Variants in ITPR2 observed in about 807,000 individuals in gnomAD.
The protein encoded by ITPR2 is inositol 1,4,5-trisphosphate-gated calcium channel ITPR2.
ITPR2 carries 207 observed loss-of-function variants against 317.1 expected under a neutral mutation model. The observed-to-expected ratio is 0.65, with a 90% CI of 0.58 to 0.73. The LOEUF (loss-of-function observed/expected upper bound fraction) is 0.73. Among genes scored for constraint, ITPR2 ranks in the 30% least tolerant of loss-of-function variants. The pLI, the probability that ITPR2 is intolerant of heterozygous loss-of-function variation, is 0.00. For synonymous variants in ITPR2, 1,156 were observed against 1,149.1 expected, an observed-to-expected ratio of 1.01 and a Z score of -0.12; for missense variants, 2,613 against 3,284.0, an observed-to-expected ratio of 0.80 and a Z score of 4.99.
chr12:26,716,959 T>C (rs1249383435), intron 5 of ITPR2, among the ~76,000 whole-genome samples: 1 of 152,214 alleles, frequency 6.6e-6, no homozygotes, highest in Non-Finnish European at 1.5e-5. Flanking sequence ...ATTGTAGCAA[T>C]ATCCACCTTC....
In ITPR2 at chr12:26,565,568, T is replaced by C. The variant is rs1211355298; in HGVS notation, c.4631-3616A>G. Among the ~76,000 whole-genome samples, 5 of 152,018 alleles carry C rather than the reference T, an allele frequency of 3.3e-5. No individual in the cohort carries two copies. In the South Asian group the frequency reaches 8.3e-4, roughly 25 times the overall value. On this transcript the variant is annotated intron_variant, in intron 34 of 56. Transcript: ENST00000381340. ...TAGATAGATAATCTGGCTTGCTTCA[T>C]ATAATGAAAGGAAAGCAAATAGTAG...
At chr12:26,592,957 C>T (rs1945744978) in intron 32 of ITPR2, among the ~76,000 whole-genome samples, 1 of 152,188 alleles carries the variant, frequency 6.6e-6, no homozygotes, top group African/African-American at 2.4e-5. Flanking sequence ...ATTTTATACA[C>T]ATTATCTCAT....
intron 30 of ITPR2, 117 bp from the exon 31 acceptor site, chr12:26,597,251 C>T (rs1002797316): frequency 5.4e-5 from 61 of 1,131,466 alleles, no homozygotes; most frequent in Admixed American, 7.1e-5. Flanking sequence ...ATATATAATA[C>T]GGCAAAGACA....
chr12:26,680,726 G>A (rs1948012212), intron 13 of ITPR2, among the ~76,000 whole-genome samples: 3 of 152,152 alleles, frequency 2.0e-5, no homozygotes, highest in Admixed American at 1.3e-4. Flanking sequence ...ACTGTATTCT[G>A]TTGTATGAAA....
rs1426674358 is a variant in ITPR2, at chr12:26,336,199, C to A, written c.*3198G>T. 2.6e-5 allele frequency among the ~76,000 whole-genome samples: 4 copies of A among 152,182 alleles called. No individual in the cohort carries two copies. The South Asian group carries it at 8.3e-4, about 32-fold the overall frequency. On this transcript the variant is annotated 3_prime_UTR_variant, in exon 57 of 57. Coordinates refer to ENST00000381340, the MANE Select transcript of ITPR2 (RefSeq NM_002223.4). ...GGGAAGCAGAAATCCCTATCTCCAC[C>A]TTCTCTCACCAACTCCCCAGCCTCC...
At chr12:26,425,915 T>C (rs1941045878) in intron 49 of ITPR2, among the ~76,000 whole-genome samples, 1 of 152,240 alleles carries the variant, frequency 6.6e-6, no homozygotes, top group African/African-American at 2.4e-5. Flanking sequence ...AAAAGCTATC[T>C]TCTTATCCTC....
At chr12:26,669,593 C>G (rs754026599) in intron 13 of ITPR2, among the ~76,000 whole-genome samples, 2 of 152,226 alleles carry the variant, frequency 1.3e-5, no homozygotes, top group African/African-American at 4.8e-5. Flanking sequence ...AGGAACAGCT[C>G]GGGTCTACAG....
intron 55 of ITPR2, among the ~76,000 whole-genome samples, chr12:26,381,715 T>C (rs1939515278): frequency 6.6e-6 from 1 of 152,152 alleles, no homozygotes; most frequent in South Asian, 2.1e-4. Flanking sequence ...TTTGCAACTG[T>C]GATGCAGTAA....
chr12:26,439,119 G>A lies in ITPR2; in HGVS notation c.6643+8C>T, dbSNP rs374345419. The A allele has an allele frequency of 7.6e-6, 12 of 1,581,914 alleles. No homozygotes were observed. In the African/African-American group the frequency reaches 1.1e-4, roughly 14 times the overall value. On this transcript the variant is annotated splice_region_variant and intron_variant, in intron 47 of 56. Transcript: ENST00000381340. ...ACAAAACTAACCATTTCAGTTTACT[G>A]TACTTACTCCTGATTTTCTTCTGCC...
chr12:26,399,100 G>T, intron 53 of ITPR2, 59 bp from the exon 54 acceptor site: 3 of 1,184,944 alleles, frequency 2.5e-6, no homozygotes, highest in South Asian at 1.7e-5. Context: ...ACACTGTCTA[G>T]CATAGAGAGT....
intron 2 of ITPR2, among the ~76,000 whole-genome samples, chr12:26,745,097 C>A (rs574451288): frequency 6.4e-4 from 98 of 152,340 alleles, no homozygotes; most frequent in African/African-American, 2.3e-3. Context: ...CACAGATTAG[C>A]AACGGCTTTG....
At chr12:26,602,005 C>G (rs1216800677) in intron 28 of ITPR2, among the ~76,000 whole-genome samples, 1 of 152,192 alleles carries the variant, frequency 6.6e-6, no homozygotes, top group Non-Finnish European at 1.5e-5. Flanking sequence ...GTGTCAATGT[C>G]ATGGGAGTTC....
chr12:26,666,138 A>ATAGC (rs1947624323), intron 13 of ITPR2, 87 bp from the exon 14 acceptor site: 2 of 352,750 alleles, frequency 5.7e-6, no homozygotes, highest in Non-Finnish European at 9.0e-6. Flanking sequence ...GTAGGTAGAG[A>ATAGC]TAGATAGATA....
chr12:26,410,526 T>C (rs1192009715), intron 52 of ITPR2, among the ~76,000 whole-genome samples: 1 of 152,198 alleles, frequency 6.6e-6, no homozygotes, highest in East Asian at 1.9e-4. Flanking sequence ...ACTCCGCACC[T>C]ACACTATGCT....
At chr12:26,445,795 T>C (rs1295366086) in intron 45 of ITPR2, among the ~76,000 whole-genome samples, 1 of 152,110 alleles carries the variant, frequency 6.6e-6, no homozygotes, top group Non-Finnish European at 1.5e-5. Context: ...TCTTGAGGAC[T>C]GCAGGTGTAA....
At chr12:26,617,206 GA>G (rs1291773025) in intron 26 of ITPR2, among the ~76,000 whole-genome samples, 1 of 152,044 alleles carries the variant, frequency 6.6e-6, no homozygotes, top group Non-Finnish European at 1.5e-5. Context: ...TAGAGCTAGA[GA>G]AAAGAAGAGA....
chr12:26,808,679 T>A (rs187625420), intron 1 of ITPR2, among the ~76,000 whole-genome samples: 7 of 152,242 alleles, frequency 4.6e-5, no homozygotes, highest in African/African-American at 1.7e-4. Flanking sequence ...CGGTTAGGCA[T>A]AGTAATGGAA....
chr12:26,735,718 T>A (rs1357219103), intron 2 of ITPR2, among the ~76,000 whole-genome samples: 1 of 152,200 alleles, frequency 6.6e-6, no homozygotes, highest in Non-Finnish European at 1.5e-5. Context: ...CAGGTTAGGG[T>A]TAAATGAACT....
At chr12:26,550,162 C>T (rs1266249168) in intron 37 of ITPR2, 85 bp downstream of exon 37, 3 of 592,286 alleles carry the variant, frequency 5.1e-6, no homozygotes, top group Non-Finnish European at 5.8e-6. Context: ...CAAGTAATCA[C>T]GTAATAGCCT....
Sources: allele counts gnomAD v4.1 joint callset (sites outside exome capture counted in the v4.1 genomes callset), GRCh38; gene constraint gnomAD v4.1.1; transcripts MANE v1.5; gene names NCBI Gene and HGNC (gene_info 2026-07-23, HGNC 2026-07-21).